The following BRWD3 variants were observed in gnomAD, a reference collection of about 807,000 sequenced individuals.
The protein encoded by BRWD3 is bromodomain and WD repeat-containing protein 3.
A neutral mutation model predicts 149.7 loss-of-function variants in BRWD3; 10 were observed. That is an observed-to-expected ratio of 0.07 (90% CI 0.04 to 0.11). The LOEUF (loss-of-function observed/expected upper bound fraction) is 0.11, where lower values mean the gene tolerates loss of function less well. Ranked by LOEUF, BRWD3 falls within the 10% of genes least tolerant of loss-of-function variation. The pLI, the probability that BRWD3 is intolerant of heterozygous loss-of-function variation, is 1.00. For synonymous variants in BRWD3, 504 were observed against 456.7 expected, an observed-to-expected ratio of 1.10 and a Z score of -1.32; for missense variants, 940 against 1,373.2, an observed-to-expected ratio of 0.68 and a Z score of 4.99.
chrX:80,795,186 G>A (rs2074224030), intron 4 of BRWD3, among the ~76,000 whole-genome samples: 1 of 110,834 alleles, frequency 9.0e-6, no homozygotes, highest in Non-Finnish European at 1.9e-5. Flanking sequence ...ACAAATCCCT[G>A]AGGTGTTTCA....
intron 13 of BRWD3, 50 bp downstream of exon 13, chrX:80,729,866 A>G (rs912852010): frequency 1.2e-6 from 1 of 832,480 alleles, no homozygotes; most frequent in Non-Finnish European, 1.8e-6. Context: ...ATTAAACTCA[A>G]TGTAAAATAT....
chrX:80,699,624 C>CT (rs1363996946), intron 25 of BRWD3, among the ~76,000 whole-genome samples: 9 of 111,715 alleles, frequency 8.1e-5, no homozygotes, highest in Admixed American at 2.9e-4. Context: ...CTGTCAGAAC[C>CT]TTGAGAGTGT....
chrX:80,688,120 T>C lies in BRWD3; in HGVS notation c.3813A>G (p.Thr1271=), dbSNP rs1273437813. ...CGTCTGAATCTAAATCAACAATTTC[T>C]GTATCCTTAATTAAAAAGGAAGAGT... ...ERNSTDAEED[T]EIVDLDSDGP... Residue 1271 remains threonine (T), a synonymous_variant, in exon 34 of 41, where the codon ACA becomes ACG. Coordinates refer to ENST00000373275, the MANE Select transcript of BRWD3 (RefSeq NM_153252.5). 4 of 1,196,274 alleles carry C rather than the reference T, an allele frequency of 3.3e-6. No individual in the cohort carries two copies. Among genetic ancestry groups the C allele is most frequent in the South Asian group, 1.8e-5 (1 of 56,473 alleles).
rs2072316510 is a variant in BRWD3, at chrX:80,670,699, C to G, written c.*5910G>C. Among the ~76,000 whole-genome samples the G allele has an allele frequency of 9.0e-6, 1 of 111,413 alleles. No individual in the cohort carries two copies. Among genetic ancestry groups the G allele is most frequent in the Non-Finnish European group, 1.9e-5 (1 of 53,116 alleles). On this transcript the variant is annotated 3_prime_UTR_variant, in exon 41 of 41. Coordinates refer to ENST00000373275, the MANE Select transcript of BRWD3 (RefSeq NM_153252.5). ...CTTCCCAAAATGCTGAGATTATAAACGTGAGTCACTGTGCCTGGCCTTAAC... is the reference window on the plus strand; with the variant it reads ...CTTCCCAAAATGCTGAGATTATAAAGGTGAGTCACTGTGCCTGGCCTTAAC...
rs899003429 is a variant in BRWD3 at position 80,674,965 on chromosome X, A to G, written c.*1644T>C. The G allele has an allele frequency of 3.6e-5, 4 of 112,029 alleles. No homozygotes were observed. Among genetic ancestry groups the G allele is most frequent in the African/African-American group, 9.7e-5 (3 of 30,846 alleles). The allele number at this position is 112,029 out of a possible 1,213,427, so 9.2% of individuals were successfully genotyped here. A position where few individuals can be genotyped will look rare whatever the true frequency, so the allele number is the denominator to read the frequency against. On this transcript the variant is annotated 3_prime_UTR_variant, in exon 41 of 41. Transcript: ENST00000373275. ...ATTAGCTTAAGAAATATCCTGGGAT[A>G]GCTAGGTATATACTAAGAAGTCTGT... is the stretch of plus-strand genomic sequence containing the variant.
At chrX:80,685,594 G>A (rs2072510350) in intron 35 of BRWD3, 58 bp from the exon 36 acceptor site, 2 of 902,499 alleles carry the variant, frequency 2.2e-6, no homozygotes, top group East Asian at 3.2e-5. Flanking sequence ...ATATCAAGAC[G>A]TGTAATACAA....
At chrX:80,680,330 C>T (rs1043167306) in intron 40 of BRWD3, among the ~76,000 whole-genome samples, 4 of 112,014 alleles carry the variant, frequency 3.6e-5, no homozygotes, top group African/African-American at 9.7e-5. Flanking sequence ...CCAAGATAGA[C>T]GCACATAATG....
At chrX:80,701,486 T>C (rs2072786928) in intron 24 of BRWD3, among the ~76,000 whole-genome samples, 1 of 90,166 alleles carries the variant, frequency 1.1e-5, no homozygotes, top group Admixed American at 1.5e-4. Flanking sequence ...GAGGTAGAGG[T>C]TGCAGTGAGC....
At chrX:80,679,784 G>A (rs1243609235) in intron 40 of BRWD3, among the ~76,000 whole-genome samples, 1 of 108,895 alleles carries the variant, frequency 9.2e-6, no homozygotes, top group Non-Finnish European at 1.9e-5. Context: ...ATGAATGTGA[G>A]AACAGCTTTT....
intron 20 of BRWD3, among the ~76,000 whole-genome samples, chrX:80,712,482 G>A (rs1239890842): frequency 9.5e-6 from 1 of 104,726 alleles, no homozygotes; most frequent in African/African-American, 3.4e-5. Flanking sequence ...GTGCAGTGGC[G>A]TGATCTCGGC....
intron 3 of BRWD3, among the ~76,000 whole-genome samples, 168 bp from the exon 4 acceptor site, chrX:80,808,766 G>T (rs7051376): frequency 1.1e-5 from 1 of 89,674 alleles, no homozygotes; most frequent in Non-Finnish European, 2.2e-5. Context: ...TATATGGGGG[G>T]GGGGGGGAAG....
intron 6 of BRWD3, among the ~76,000 whole-genome samples, chrX:80,768,106 A>G (rs1049147685): frequency 1.3e-4 from 15 of 112,106 alleles, no homozygotes; most frequent in African/African-American, 4.9e-4. Flanking sequence ...ACGTCTGATT[A>G]GTGTACCTGA....
Position 80,793,767 on chromosome X carries a change from T to G in BRWD3, c.186A>C (p.Ala62=), listed in dbSNP as rs556481092. The G allele has an allele frequency of 8.3e-6, 10 of 1,206,403 alleles. No individual in the cohort carries two copies. The South Asian group carries it at 1.8e-4, about 21-fold the overall frequency. The part of the protein sequence containing the change: ...EHRRSFEDLV[A]ANAHIPPDYL... ...AGTCTGGAGGAATGTGTGCATTTGC[T>G]GCCACCTAAAAAAGTATAAATAAAA... The change falls in exon 5 of 41, where the codon GCA becomes GCC. Residue 62 remains alanine, a synonymous_variant. Coordinates refer to ENST00000373275, the MANE Select transcript of BRWD3 (RefSeq NM_153252.5).
chrX:80,700,433 GAT>G (rs748889698), intron 24 of BRWD3, among the ~76,000 whole-genome samples: 3 of 55,633 alleles, frequency 5.4e-5, no homozygotes, highest in Admixed American at 5.8e-4. Flanking sequence ...GAAAATATTT[GAT>G]ATATATAACA....
At chrX:80,780,336 A>G (rs368533620) in intron 6 of BRWD3, among the ~76,000 whole-genome samples, 2 of 111,492 alleles carry the variant, frequency 1.8e-5, no homozygotes, top group East Asian at 5.6e-4. Context: ...TGGAGAAAAT[A>G]CTTTTTTCAT....
At chrX:80,743,079 T>C (rs937807183) in intron 8 of BRWD3, among the ~76,000 whole-genome samples, 1 of 111,989 alleles carries the variant, frequency 8.9e-6, no homozygotes, top group African/African-American at 3.2e-5. Context: ...CATGAATACC[T>C]AATTTATTGA....
intron 6 of BRWD3, among the ~76,000 whole-genome samples, chrX:80,785,284 T>G (rs971509952): frequency 1.8e-5 from 2 of 112,135 alleles, no homozygotes; most frequent in African/African-American, 6.5e-5. Context: ...ACCAATTTGA[T>G]TAGTCAAGCA....
At chrX:80,764,565 G>A (rs1400597305) in intron 6 of BRWD3, among the ~76,000 whole-genome samples, 5 of 109,138 alleles carry the variant, frequency 4.6e-5, no homozygotes, top group African/African-American at 1.0e-4. Flanking sequence ...TGCCTGCCTC[G>A]GCCTCCCAAA....
chrX:80,808,434 G>T, intron 4 of BRWD3, 105 bp downstream of exon 4: 1 of 621,986 alleles, frequency 1.6e-6, no homozygotes, highest in Non-Finnish European at 2.6e-6. Context: ...TCTGCACCGA[G>T]CTCTAGAACC....
Sources: allele counts gnomAD v4.1 joint callset (sites outside exome capture counted in the v4.1 genomes callset), GRCh38; gene constraint gnomAD v4.1.1; transcripts MANE v1.5; gene names NCBI Gene and HGNC (gene_info 2026-07-23, HGNC 2026-07-21).